The following RIMKLB variants were observed in gnomAD, a reference collection of about 807,000 sequenced individuals.
RIMKLB encodes the protein ribosomal modification protein rimK like family member B, also known as beta-citrylglutamate synthase B.
A neutral mutation model predicts 32.0 loss-of-function variants in RIMKLB; 7 were observed. The ratio of observed to expected loss-of-function variants is 0.22; its 90% CI spans 0.12 to 0.41. The LOEUF is 0.41. Ranked by LOEUF, RIMKLB falls within the 10% of genes least tolerant of loss-of-function variation. The probability of loss-of-function intolerance (pLI) is 1.00; values close to 1 mark genes in which losing one functional copy is unlikely to be tolerated. For missense variants in RIMKLB, 289 were observed against 498.7 expected, an observed-to-expected ratio of 0.58 and a Z score of 4.00; for synonymous variants, 172 against 185.1, an observed-to-expected ratio of 0.93 and a Z score of 0.57.
At chr12:8,745,802 C>T (rs1452376162) in intron 2 of RIMKLB, among the ~76,000 whole-genome samples, 1 of 150,176 alleles carries the variant, frequency 6.7e-6, no homozygotes, top group African/African-American at 2.5e-5. Context: ...ACAAGTGATT[C>T]TCCTGCCTCC....
chr12:8,770,267 G>A (rs1192592710), intron 5 of RIMKLB, among the ~76,000 whole-genome samples: 1 of 152,122 alleles, frequency 6.6e-6, no homozygotes, highest in South Asian at 2.1e-4. Flanking sequence ...CTGGCCTATT[G>A]TAGCAGTATT....
downstream of RIMKLB, chr12:8,777,935 A>G (rs1950828119): frequency 5.9e-6 from 1 of 170,432 alleles, no homozygotes; most frequent in Non-Finnish European, 1.2e-5. Context: ...GCATAAATGT[A>G]TCTAGCAAAT....
upstream of RIMKLB, among the ~76,000 whole-genome samples, chr12:8,694,607 T>C (rs1054640559): frequency 2.6e-5 from 4 of 152,132 alleles, no homozygotes; most frequent in Non-Finnish European, 5.9e-5. Context: ...TGGGCCAGGC[T>C]GGTCTCGAAC....
At chr12:8,779,271 A>G (rs140508938), downstream of RIMKLB, 2 of 152,178 alleles carry the variant, frequency 1.3e-5, no homozygotes, top group Non-Finnish European at 2.9e-5. Flanking sequence ...ACCATATTCA[A>G]ACTTATTAGG....
At position 8,776,385 on chromosome 12, in the gene RIMKLB, C is replaced by T. The variant is rs1950727748; in HGVS notation, c.*2601C>T. 2 of 981,874 alleles carry T rather than the reference C, an allele frequency of 2.0e-6. No individual in the cohort carries two copies. Among genetic ancestry groups the T allele is most frequent in the Non-Finnish European group, 2.4e-6 (2 of 826,788 alleles). 60.8% of individuals were successfully genotyped at this position (981,874 alleles called of 1,614,324 possible). ...TAAGAGCAAATCATTCTGGAAGTAC[C>T]TTAAGGAAACAAACAGCAGCAGATA... On this transcript the variant is annotated 3_prime_UTR_variant, in exon 6 of 6. Coordinates refer to ENST00000535829, the MANE Select transcript of RIMKLB (RefSeq NM_001297776.2).
At chr12:8,769,126 C>T (rs1950205212) in intron 5 of RIMKLB, among the ~76,000 whole-genome samples, 1 of 152,050 alleles carries the variant, frequency 6.6e-6, no homozygotes, top group African/African-American at 2.4e-5. Flanking sequence ...ACAGTTGGTT[C>T]TCATTTTCCT....
the RIMKLB span, among the ~76,000 whole-genome samples, chr12:8,670,693 G>GCCGTCTTCTCACGGC: frequency 6.6e-6 from 1 of 152,362 alleles, no homozygotes; most frequent in East Asian, 1.9e-4. Context: ...GGGGGCCATG[G>GCCGTCTTCTCACGGC]CCGTCTTCTC....
intron 1 of RIMKLB, among the ~76,000 whole-genome samples, chr12:8,688,560 A>C (rs1240626814): frequency 6.6e-6 from 1 of 152,234 alleles, no homozygotes; most frequent in African/African-American, 2.4e-5. Flanking sequence ...TACTCCAGTG[A>C]CATAGTTCTT....
At chr12:8,708,918 T>C (rs1944130914) in intron 1 of RIMKLB, among the ~76,000 whole-genome samples, 1 of 152,242 alleles carries the variant, frequency 6.6e-6, no homozygotes, top group Non-Finnish European at 1.5e-5. Flanking sequence ...AAAAAGGTAC[T>C]TTTGTCAGTA....
chr12:8,688,784 T>C (rs995230773), intron 1 of RIMKLB, among the ~76,000 whole-genome samples: 3 of 152,164 alleles, frequency 2.0e-5, no homozygotes, highest in African/African-American at 7.2e-5. Flanking sequence ...GATTAGAGAA[T>C]TTTGTGTGTG....
chr12:8,694,196 G>A (rs1942816220), upstream of RIMKLB, among the ~76,000 whole-genome samples: 2 of 151,974 alleles, frequency 1.3e-5, no homozygotes, highest in Admixed American at 1.3e-4. Flanking sequence ...TCTCACCACT[G>A]CACTCCAGCC....
At chr12:8,670,021 C>G in the RIMKLB span, among the ~76,000 whole-genome samples, 1 of 125,414 alleles carries the variant, frequency 8.0e-6, no homozygotes, top group African/African-American at 3.5e-5. Flanking sequence ...AGCAAGACTC[C>G]GTCTCAAAAA....
chr12:8,777,443 C>T (rs2138371838), downstream of RIMKLB: 7 of 1,080,428 alleles, frequency 6.5e-6, no homozygotes, highest in South Asian at 2.6e-5. Flanking sequence ...TTTTGCCATG[C>T]TGTTTTGGGG....
At chr12:8,743,080 A>G (rs1311246085) in intron 2 of RIMKLB, 2 of 152,560 alleles carry the variant, frequency 1.3e-5, no homozygotes, top group East Asian at 3.8e-4. Context: ...CAGTCTGGGC[A>G]CGGTGGCTCA....
At chr12:8,695,412 G>A (rs1942858615), upstream of RIMKLB, among the ~76,000 whole-genome samples, 1 of 152,102 alleles carries the variant, frequency 6.6e-6, no homozygotes, top group African/African-American at 2.4e-5. Context: ...CAGCCTTTCT[G>A]AACCTTGGGT....
intron 1 of RIMKLB, among the ~76,000 whole-genome samples, chr12:8,711,632 T>C (rs1338272139): frequency 1.3e-5 from 2 of 152,152 alleles, no homozygotes; most frequent in Non-Finnish European, 2.9e-5. Context: ...ACTCATCATC[T>C]AGCATTAGGT....
rs1336107757 is a variant in RIMKLB, at chr12:8,734,112, G to T, written c.176-15750G>T. 3.3e-5 allele frequency among the ~76,000 whole-genome samples: 5 copies of T among 152,172 alleles called. No individual in the cohort carries two copies. In the East Asian group the frequency reaches 7.7e-4, roughly 23 times the overall value. On this transcript the variant is annotated intron_variant, in intron 2 of 5. Transcript: ENST00000535829. ...CAGAGGAATTATCTGGTAAGGCAAA[G>T]GAATGGTGAAGTTTCGTGGAAAAGT...
intron 2 of RIMKLB, among the ~76,000 whole-genome samples, chr12:8,734,003 C>G (rs1946777738): frequency 6.6e-6 from 1 of 152,176 alleles, no homozygotes; most frequent in African/African-American, 2.4e-5. Flanking sequence ...ACACTGTCCT[C>G]ACCCCATCAA....
chr12:8,777,292 T>G, downstream of RIMKLB: 1 of 983,024 alleles, frequency 1.0e-6, no homozygotes, highest in Non-Finnish European at 1.2e-6. Flanking sequence ...TAGGCACCTT[T>G]GGAGCTTGGA....
Sources: gnomAD v4.1 joint callset for allele counts (sites outside exome capture counted in the v4.1 genomes callset) on GRCh38, gnomAD v4.1.1 for gene constraint, MANE v1.5 for transcripts, NCBI Gene and HGNC (gene_info 2026-07-23, HGNC 2026-07-21) for gene names.